The following DOP1B variants were observed in gnomAD, a reference collection of about 807,000 sequenced individuals.
DOP1B encodes the protein protein DOP1B.
Under a neutral mutation model 233.5 loss-of-function variants are expected in DOP1B, and 174 were observed. That is an observed-to-expected ratio of 0.75 (90% CI 0.66 to 0.85). The LOEUF is 0.85. DOP1B is among the 40% of genes least tolerant of loss of function. The pLI is 0.00. For synonymous variants in DOP1B, 1,190 were observed against 1,185.6 expected (o/e 1.00, Z -0.08); for missense variants, 2,652 against 2,846.6 (o/e 0.93, Z 1.56).
Position 36,263,748 on chromosome 21 carries a change from C to T in DOP1B, c.5421C>T (p.Ser1807=). 1 of 1,614,216 alleles carries T rather than the reference C, an allele frequency of 6.2e-7. No individual in the cohort carries two copies. Among genetic ancestry groups the T allele is most frequent in the Non-Finnish European group, 8.5e-7 (1 of 1,180,030 alleles). ...TCTGAAGCTGATTGTCTCCCAACAG[C>T]ATGCTGAATGACTTTGTAACAAGAA... ...LAPPGYFLLL[S]MLNDFVTRTP... The change falls in exon 26 of 37, where the codon AGC becomes AGT. Residue 1807 remains serine (S), a splice_region_variant and synonymous_variant. Transcript: ENST00000691173.
chr21:36,177,140 AG>A (rs2066041252), intron 2 of DOP1B, among the ~76,000 whole-genome samples: 2 of 152,122 alleles, frequency 1.3e-5, no homozygotes, highest in Non-Finnish European at 2.9e-5. Context: ...GGTGTGGCAA[AG>A]GCTGCTGAAT....
At position 36,219,451 on chromosome 21, in the gene DOP1B, T is replaced by C; in HGVS notation, c.1209T>C (p.Asp403=). 1 of 1,614,172 alleles carries C rather than the reference T, an allele frequency of 6.2e-7. No homozygotes were observed. The highest frequency in any genetic ancestry group is 8.5e-7 in the Non-Finnish European group (1 of 1,180,026). ...YSYCRDALGS[D]LKLSYTQSGN... is the part of the protein sequence containing the mutation. ...ACTGCAGAGATGCCCTTGGCTCTGATCTTAAACTTAGCTACACCCAGAGTG... is the reference window on the plus strand; with the variant it reads ...ACTGCAGAGATGCCCTTGGCTCTGACCTTAAACTTAGCTACACCCAGAGTG... Residue 403 remains aspartate, a synonymous_variant, in exon 10 of 37, where the codon GAT becomes GAC. Coordinates refer to ENST00000691173, the MANE Select transcript of DOP1B (RefSeq NM_001320714.2).
chr21:36,187,674 G>A (rs1003187166), intron 2 of DOP1B, among the ~76,000 whole-genome samples: 1 of 151,962 alleles, frequency 6.6e-6, no homozygotes, highest in Admixed American at 6.6e-5. Context: ...AGGTGCGATC[G>A]TAGCTCGCCC....
In DOP1B at chr21:36,284,265, C is replaced by CTTTTTTT. The variant is rs71326667; in HGVS notation, c.6160+2671_6160+2677dup. The stretch of plus-strand genomic sequence containing the variant: ...GTGGCCAACCACCTGTTCCTTCTTT[C>CTTTTTTT]TTTTTTTTTTTTTTTTTTTTTTTGA... On this transcript the variant is annotated intron_variant, in intron 32 of 36. Coordinates refer to ENST00000691173, the MANE Select transcript of DOP1B (RefSeq NM_001320714.2). Among the ~76,000 whole-genome samples, 436 of 75,772 alleles carry CTTTTTTT rather than the reference C, an allele frequency of 5.8e-3. 3 individuals are homozygous for CTTTTTTT. The highest frequency in any genetic ancestry group is 6.6e-3 in the Non-Finnish European group (276 of 41,978). 49.7% of individuals were successfully genotyped at this position (75,772 alleles called of 152,430 possible). A position where few individuals can be genotyped will look rare whatever the true frequency, so the allele number is the denominator to read the frequency against.
rs1403114771 is a variant in DOP1B, at chr21:36,228,496, G to A, written c.1665+619G>A. On this transcript the variant is annotated intron_variant, in intron 13 of 36. Transcript: ENST00000691173. ...TAAATAAAAATAAGGGCTGGGCGCGGTGGCTCACGCCTGTAATCCCAGCAC... is the reference window on the plus strand; with the variant it reads ...TAAATAAAAATAAGGGCTGGGCGCGATGGCTCACGCCTGTAATCCCAGCAC... Among the ~76,000 whole-genome samples the A allele has an allele frequency of 3.9e-5, 6 of 152,044 alleles. No individual in the cohort carries two copies. The South Asian group carries it at 8.3e-4, about 21-fold the overall frequency.
intron 1 of DOP1B, among the ~76,000 whole-genome samples, chr21:36,159,838 T>A (rs1350082441): frequency 6.6e-6 from 1 of 152,206 alleles, no homozygotes; most frequent in Non-Finnish European, 1.5e-5. Context: ...CTGAGTTTCC[T>A]CTTGGTATCA....
chr21:36,238,756 G>A (rs756635950), intron 17 of DOP1B, 55 bp downstream of exon 17: 2 of 1,560,656 alleles, frequency 1.3e-6, no homozygotes, highest in East Asian at 4.5e-5. Flanking sequence ...CTCCACAGAG[G>A]TGCCTGCCCA....
chr21:36,238,519 G>A (rs2066853144), intron 16 of DOP1B, 82 bp from the exon 17 acceptor site: 1 of 1,178,258 alleles, frequency 8.5e-7, no homozygotes, highest in Admixed American at 1.8e-5. Flanking sequence ...TTGATCTATT[G>A]TTTAAATGGG....
In DOP1B at chr21:36,238,689, G is replaced by A. The variant is rs772745012; in HGVS notation, c.2864G>A (p.Arg955His). ...GGCAGTCGAGTAACATCTCACAATC[G>A]CTCCTTTGATAGGTGAGGCGGCCTT... The part of the protein sequence containing the change: ...IQGSRVTSHN[R>H]SFDRSLFVVL... Residue 955 changes from arginine to histidine, a missense_variant, in exon 17 of 37, where the codon CGC (arginine) becomes CAC (histidine). Arg to His is a conservative substitution (Grantham distance 29). Around this residue, in one of 3 missense-constraint regions of DOP1B, gnomAD observed 2,617 missense variants for 2,794.3 expected, o/e 0.94. Coordinates refer to ENST00000691173, the MANE Select transcript of DOP1B (RefSeq NM_001320714.2). 1.2e-6 allele frequency: 2 copies of A among 1,614,128 alleles called. No individual in the cohort carries two copies. Among genetic ancestry groups the A allele is most frequent in the East Asian group, 2.2e-5 (1 of 44,884 alleles).
intron 15 of DOP1B, among the ~76,000 whole-genome samples, chr21:36,233,367 C>T (rs971078147): frequency 3.3e-5 from 5 of 152,200 alleles, no homozygotes; most frequent in African/African-American, 1.2e-4. Context: ...CATGACTCCT[C>T]CACTGCACTC....
At chr21:36,260,531 C>T (rs916539251) in intron 23 of DOP1B, 146 bp from the exon 24 acceptor site, 4 of 1,042,612 alleles carry the variant, frequency 3.8e-6, no homozygotes, top group African/African-American at 1.6e-5. Flanking sequence ...ATGATGGGCA[C>T]TATCATGTCT....
intron 4 of DOP1B, among the ~76,000 whole-genome samples, chr21:36,207,032 G>A (rs113020741): frequency 6.6e-4 from 101 of 152,232 alleles, no homozygotes; most frequent in African/African-American, 2.3e-3. Context: ...AAAATTAACC[G>A]AGGGGTTTTT....
chr21:36,180,950 C>T (rs2835299), intron 2 of DOP1B, among the ~76,000 whole-genome samples: 52,936 of 151,720 alleles, frequency 0.35, 9,214 homozygotes, highest in Admixed American at 0.39. Flanking sequence ...CTTCCTGTTC[C>T]TCAAGTATAT....
intron 1 of DOP1B, among the ~76,000 whole-genome samples, chr21:36,159,953 A>G (rs1220999254): frequency 6.6e-6 from 1 of 152,152 alleles, no homozygotes; most frequent in Non-Finnish European, 1.5e-5. Context: ...TTAAACTGAA[A>G]TTATGTATTT....
chr21:36,202,849 A>G (rs1601407672), intron 4 of DOP1B, among the ~76,000 whole-genome samples: 2 of 152,212 alleles, frequency 1.3e-5, no homozygotes, highest in African/African-American at 2.4e-5. Flanking sequence ...CAGGTCACAT[A>G]GGAGGCAGCT....
At chr21:36,201,286 C>T (rs936394580) in intron 4 of DOP1B, among the ~76,000 whole-genome samples, 20 of 151,468 alleles carry the variant, frequency 1.3e-4, no homozygotes, top group Non-Finnish European at 2.5e-4. Context: ...GAAGGTTTCC[C>T]AGTCGCACAG....
At chr21:36,208,135 G>A (rs569472770) in intron 4 of DOP1B, among the ~76,000 whole-genome samples, 2 of 152,358 alleles carry the variant, frequency 1.3e-5, no homozygotes, top group Admixed American at 1.3e-4. Context: ...TGGGCAGACT[G>A]AAAGGAAACA....
chr21:36,241,833 G>A (rs1001346904), intron 18 of DOP1B, among the ~76,000 whole-genome samples: 3 of 150,018 alleles, frequency 2.0e-5, no homozygotes, highest in East Asian at 2.0e-4. Context: ...GAGCCACCAC[G>A]CCTGGCTATC....
At chr21:36,169,389 A>C (rs1384653245) in intron 2 of DOP1B, 1 of 850,042 alleles carries the variant, frequency 1.2e-6, no homozygotes, top group African/African-American at 1.7e-5. Context: ...CATGCCATGG[A>C]GAAGGCCACA....
Sources: allele counts gnomAD v4.1 joint callset (sites outside exome capture counted in the v4.1 genomes callset), GRCh38; gene constraint gnomAD v4.1.1; regional missense constraint gnomAD v4.1.1; transcripts MANE v1.5; gene names NCBI Gene and HGNC (gene_info 2026-07-23, HGNC 2026-07-21).